The following LINGO2 variants were observed in gnomAD, a reference collection of about 807,000 sequenced individuals.
The protein encoded by LINGO2 is leucine rich repeat and Ig domain containing 2, also known as leucine-rich repeat and immunoglobulin-like domain-containing nogo receptor-interacting protein 2.
A neutral mutation model predicts 30.6 loss-of-function variants in LINGO2; 14 were observed. The observed-to-expected ratio is 0.46, with a 90% CI of 0.30 to 0.72. The LOEUF is 0.72. Among genes scored for constraint, LINGO2 ranks in the 30% least tolerant of loss-of-function variants. LINGO2 has a pLI of 0.07. For missense variants in LINGO2, 729 were observed against 751.7 expected, an observed-to-expected ratio of 0.97 and a Z score of 0.35; for synonymous variants, 317 against 288.5, an observed-to-expected ratio of 1.10 and a Z score of -1.00.
At position 28,560,635 on chromosome 9, in the gene LINGO2, C is replaced by T. The variant is rs571676709; in HGVS notation, c.-364-84610G>A. Among the ~76,000 whole-genome samples, 29 of 151,956 alleles carry T rather than the reference C, an allele frequency of 1.9e-4. No homozygotes were observed. In the East Asian group the frequency reaches 4.8e-3, roughly 25 times the overall value. ...TATATATTTGAGTCTTTATGCCACA[C>T]TGTTTGGCGTTTTTATTTTTTACAA... is the stretch of plus-strand genomic sequence containing the variant. On this transcript the variant is annotated intron_variant, in intron 1 of 5. Transcript: ENST00000379992.
At chr9:28,411,374 A>G (rs894881586) in intron 2 of LINGO2, among the ~76,000 whole-genome samples, 4 of 152,108 alleles carry the variant, frequency 2.6e-5, no homozygotes, top group Admixed American at 6.6e-5. Context: ...ACAATATACT[A>G]TCTTAACCAT....
At chr9:28,896,300 A>C in the LINGO2 span, among the ~76,000 whole-genome samples, 6 of 152,166 alleles carry the variant, frequency 3.9e-5, no homozygotes, top group East Asian at 1.9e-4. Flanking sequence ...GATGAAATTC[A>C]ATTTGAGTTA....
the LINGO2 span, chr9:28,888,839 ATGT>A: frequency 4.3e-5 from 23 of 531,698 alleles, no homozygotes; most frequent in South Asian, 3.2e-4. Flanking sequence ...CAGCCATAAA[ATGT>A]TGTCCATTGC....
the LINGO2 span, among the ~76,000 whole-genome samples, chr9:28,786,296 C>A: frequency 2.0e-5 from 3 of 152,100 alleles, no homozygotes; most frequent in African/African-American, 7.2e-5. Flanking sequence ...CCATTTTAAT[C>A]TGATGTGATA....
chr9:28,200,431 TA>T (rs768534301), intron 4 of LINGO2, among the ~76,000 whole-genome samples: 5 of 151,958 alleles, frequency 3.3e-5, no homozygotes, highest in Admixed American at 6.6e-5. Flanking sequence ...TCTCATCCCA[TA>T]AAGAAAGAAC....
intron 5 of LINGO2, among the ~76,000 whole-genome samples, chr9:28,008,563 TA>T (rs1341769722): frequency 8.9e-6 from 1 of 112,796 alleles, no homozygotes; most frequent in Non-Finnish European, 2.0e-5. Flanking sequence ...AATAATCCAC[TA>T]AAAACTATTA....
At chr9:29,004,306 G>A in the LINGO2 span, among the ~76,000 whole-genome samples, 2 of 151,462 alleles carry the variant, frequency 1.3e-5, no homozygotes, top group African/African-American at 4.8e-5. Context: ...AACATTTTAT[G>A]GTATTTTATT....
the LINGO2 span, among the ~76,000 whole-genome samples, chr9:28,971,661 T>C: frequency 6.6e-6 from 1 of 152,248 alleles, no homozygotes; most frequent in African/African-American, 2.4e-5. Context: ...CTAAAGTTTT[T>C]GACTCTAGTC....
the LINGO2 span, among the ~76,000 whole-genome samples, chr9:28,884,645 G>A: frequency 0.55 from 80,828 of 146,494 alleles, 23,702 homozygotes; most frequent in Non-Finnish European, 0.65. Flanking sequence ...TAAGTCAATG[G>A]TTTAGAACTC....
At chr9:28,506,767 T>C (rs1355359965) in intron 1 of LINGO2, among the ~76,000 whole-genome samples, 1 of 151,586 alleles carries the variant, frequency 6.6e-6, no homozygotes, top group Non-Finnish European at 1.5e-5. Context: ...CTAGGTACCA[T>C]AATTATTGCC....
At chr9:28,463,541 G>T (rs1825170913) in intron 2 of LINGO2, among the ~76,000 whole-genome samples, 1 of 151,950 alleles carries the variant, frequency 6.6e-6, no homozygotes, top group African/African-American at 2.4e-5. Flanking sequence ...AAATAGGAGG[G>T]TTTAAGACTT....
intron 2 of LINGO2, among the ~76,000 whole-genome samples, chr9:28,397,697 G>A (rs969555136): frequency 6.6e-5 from 10 of 151,754 alleles, no homozygotes; most frequent in African/African-American, 1.9e-4. Flanking sequence ...ACAGGTGCCC[G>A]CCACCACGCC....
chr9:28,193,046 C>T lies in LINGO2; in HGVS notation c.-87+102162G>A, dbSNP rs542701508. On this transcript the variant is annotated intron_variant, in intron 4 of 5. Coordinates refer to ENST00000379992, the Ensembl canonical transcript of LINGO2. ...ATAGCTCACATTTGATGGTTACTGA[C>T]ATAGTACAAATTTAATTTATTCCTA... Among the ~76,000 whole-genome samples, 631 of 152,172 alleles carry T rather than the reference C, an allele frequency of 4.1e-3. 7 individuals carry two copies. The highest frequency in any genetic ancestry group is 0.015 in the African/African-American group (607 of 41,522).
the LINGO2 span, among the ~76,000 whole-genome samples, chr9:28,717,079 T>A: frequency 0.016 from 2,389 of 152,136 alleles, 63 homozygotes; most frequent in African/African-American, 0.053. Context: ...CCTGATTTGT[T>A]AATATATGAC....
intron 1 of LINGO2, among the ~76,000 whole-genome samples, chr9:28,575,439 A>G (rs1359478756): frequency 6.6e-6 from 1 of 151,898 alleles, no homozygotes; most frequent in Non-Finnish European, 1.5e-5. Flanking sequence ...ACACAAAAAA[A>G]ACCACGTTTT....
intron 1 of LINGO2, among the ~76,000 whole-genome samples, chr9:28,615,499 CAAT>C (rs564713382): frequency 1.4e-4 from 22 of 152,044 alleles, no homozygotes; most frequent in Non-Finnish European, 2.8e-4. Context: ...AGTAGACACA[CAAT>C]AAATATTTTC....
At chr9:28,746,138 A>C in the LINGO2 span, among the ~76,000 whole-genome samples, 1 of 152,030 alleles carries the variant, frequency 6.6e-6, no homozygotes, top group African/African-American at 2.4e-5. Flanking sequence ...TAACTATTTT[A>C]AAGATCTGAC....
At chr9:28,869,988 G>T in the LINGO2 span, among the ~76,000 whole-genome samples, 1 of 151,260 alleles carries the variant, frequency 6.6e-6, no homozygotes, top group African/African-American at 2.4e-5. Context: ...ATAAATAAAA[G>T]TATTAACAGT....
At chr9:29,190,943 C>T in the LINGO2 span, among the ~76,000 whole-genome samples, 2 of 152,008 alleles carry the variant, frequency 1.3e-5, no homozygotes, top group South Asian at 4.1e-4. Flanking sequence ...AGATCAACAT[C>T]GAAGAGAAAG....
Sources: gnomAD v4.1 joint callset for allele counts (sites outside exome capture counted in the v4.1 genomes callset) on GRCh38, gnomAD v4.1.1 for gene constraint, MANE v1.5 for transcripts, NCBI Gene and HGNC (gene_info 2026-07-23, HGNC 2026-07-21) for gene names.